Variants in AVEN observed in about 807,000 individuals in gnomAD.
AVEN encodes the protein cell death regulator Aven.
Under a neutral mutation model 38.1 loss-of-function variants are expected in AVEN, and 41 were observed. The ratio of observed to expected loss-of-function variants is 1.08; its 90% confidence interval spans 0.84 to 1.40. The LOEUF is 1.40. Ranked by LOEUF, AVEN falls within the 40% of genes most tolerant of loss-of-function variation. The pLI is 0.00. For missense variants in AVEN, 605 were observed against 438.8 expected (o/e 1.38, Z -3.38); for synonymous variants, 206 against 171.8 (o/e 1.20, Z -1.56).
intron 2 of AVEN, among the ~76,000 whole-genome samples, chr15:33,904,561 G>C (rs956968445): frequency 2.0e-5 from 3 of 151,764 alleles, no homozygotes; most frequent in Non-Finnish European, 4.4e-5. Flanking sequence ...ACAGGTGCCC[G>C]CCACCACGCC....
chr15:33,874,260 A>G (rs898147809), intron 3 of AVEN, among the ~76,000 whole-genome samples: 2 of 152,088 alleles, frequency 1.3e-5, no homozygotes, highest in Non-Finnish European at 2.9e-5. Flanking sequence ...TTTACAGGTG[A>G]AGCAATAGAG....
At position 33,887,631 on chromosome 15, in the gene AVEN, A is replaced by G. The variant is rs185153159; in HGVS notation, c.446-11636T>C. Among the ~76,000 whole-genome samples the G allele has an allele frequency of 1.7e-3, 252 of 152,302 alleles. 2 individuals carry two copies. The highest frequency in any genetic ancestry group is 2.9e-3 in the Non-Finnish European group (194 of 68,016). ...ATACACTCCTGCTCTCCTTATTCTC[A>G]GACAGACTCTGAGTTGAACAAGACA... On this transcript the variant is annotated intron_variant, in intron 2 of 5. Coordinates refer to ENST00000306730, the MANE Select transcript of AVEN (RefSeq NM_020371.3).
At chr15:33,981,466 A>G (rs1045807284) in intron 2 of AVEN, among the ~76,000 whole-genome samples, 1 of 152,196 alleles carries the variant, frequency 6.6e-6, no homozygotes, top group South Asian at 2.1e-4. Flanking sequence ...AGTAGCCAAA[A>G]GCTTTCTTCT....
intron 4 of AVEN, 52 bp from the exon 5 acceptor site, chr15:33,867,907 G>C (rs746855665): frequency 1.7e-5 from 26 of 1,517,802 alleles, no homozygotes; most frequent in Non-Finnish European, 2.1e-5. Flanking sequence ...TGCCATATTG[G>C]CTTAAGTAAA....
intron 5 of AVEN, among the ~76,000 whole-genome samples, chr15:34,052,108 G>A (rs937291568): frequency 7.9e-5 from 12 of 151,238 alleles, no homozygotes; most frequent in Non-Finnish European, 1.0e-4. Flanking sequence ...ATGAAATACT[G>A]GCAAATGAAA....
intron 5 of AVEN, among the ~76,000 whole-genome samples, chr15:33,867,163 TGTCAGTCGATTA>T (rs964004652): frequency 6.6e-6 from 1 of 152,244 alleles, no homozygotes; most frequent in African/African-American, 2.4e-5. Context: ...AGAGGTGGCC[TGTCAGTCGATTA>T]AAAGGGCCAC....
chr15:33,962,914 G>A (rs1247825526), intron 2 of AVEN, among the ~76,000 whole-genome samples: 9 of 108,084 alleles, frequency 8.3e-5, no homozygotes, highest in Admixed American at 2.8e-4. Context: ...AGCGAAACTC[G>A]TTCTCAAAAA....
At chr15:33,875,863 A>G (rs549272762) in intron 3 of AVEN, 62 bp downstream of exon 3, 146 of 1,430,010 alleles carry the variant, frequency 1.0e-4, no homozygotes, top group Non-Finnish European at 8.8e-6. Context: ...AAGAACGTAA[A>G]AGGTGTTAGC....
intron 2 of AVEN, among the ~76,000 whole-genome samples, chr15:33,898,488 C>T (rs1459770048): frequency 6.6e-6 from 1 of 152,174 alleles, no homozygotes; most frequent in African/African-American, 2.4e-5. Flanking sequence ...TTCCTAGCAT[C>T]TAGCCTTGCT....
intron 1 of AVEN, among the ~76,000 whole-genome samples, chr15:34,020,294 G>C (rs3928443): frequency 1.3e-5 from 2 of 148,628 alleles, no homozygotes; most frequent in East Asian, 3.9e-4. Flanking sequence ...CTGGGTGACC[G>C]AGCGAGACTC....
chr15:33,852,739 T>TA, the AVEN span: 272 of 270,028 alleles, frequency 1.0e-3, no homozygotes, highest in Non-Finnish European at 1.6e-3. Context: ...GGGAAAGGAC[T>TA]TAGAAACATA....
At chr15:33,871,774 C>CA (rs55793582) in intron 3 of AVEN, among the ~76,000 whole-genome samples, 26,382 of 91,374 alleles carry the variant, frequency 0.29, 2,960 homozygotes, top group Middle Eastern at 0.44. Flanking sequence ...CTAGTCTCCT[C>CA]AAAAAAAAAA....
intron 2 of AVEN, among the ~76,000 whole-genome samples, chr15:33,890,043 G>A (rs1049993160): frequency 7.2e-5 from 11 of 152,208 alleles, no homozygotes; most frequent in East Asian, 3.8e-4. Flanking sequence ...CCTCTCCGAC[G>A]TGCCAAACTG....
intron 2 of AVEN, among the ~76,000 whole-genome samples, chr15:33,921,560 A>G (rs538343049): frequency 6.6e-6 from 1 of 152,224 alleles, no homozygotes; most frequent in Non-Finnish European, 1.5e-5. Context: ...ATGGAAGCCA[A>G]GAAAGTTGGA....
At chr15:33,911,836 AC>A (rs1892929566) in intron 2 of AVEN, among the ~76,000 whole-genome samples, 1 of 152,250 alleles carries the variant, frequency 6.6e-6, no homozygotes, top group African/African-American at 2.4e-5. Flanking sequence ...AATGACTTAT[AC>A]CGTTCCTTTG....
At chr15:33,964,118 A>AC (rs1281441106) in intron 2 of AVEN, among the ~76,000 whole-genome samples, 1 of 151,336 alleles carries the variant, frequency 6.6e-6, no homozygotes, top group Non-Finnish European at 1.5e-5. Flanking sequence ...AAAAAAAAAA[A>AC]AGTCTACCGC....
At chr15:34,008,014 A>C (rs1330248157) in intron 1 of AVEN, among the ~76,000 whole-genome samples, 1 of 152,226 alleles carries the variant, frequency 6.6e-6, no homozygotes, top group African/African-American at 2.4e-5. Flanking sequence ...TTACATCTGC[A>C]AACAACCTAT....
At chr15:33,854,242 C>G (rs910106382), downstream of AVEN, 24 of 637,840 alleles carry the variant, frequency 3.8e-5, no homozygotes, top group Non-Finnish European at 6.3e-5. Flanking sequence ...GTTCTCTTGT[C>G]TCATGGGGAG....
At chr15:33,940,893 C>T (rs553999947) in intron 2 of AVEN, among the ~76,000 whole-genome samples, 1 of 152,280 alleles carries the variant, frequency 6.6e-6, no homozygotes, top group South Asian at 2.1e-4. Context: ...CTCATCTGAA[C>T]CATACATACC....
Sources: allele counts gnomAD v4.1 joint callset (sites outside exome capture counted in the v4.1 genomes callset), GRCh38; gene constraint gnomAD v4.1.1; transcripts MANE v1.5; gene names NCBI Gene and HGNC (gene_info 2026-07-23, HGNC 2026-07-21).